The following XRN1 variants were observed in gnomAD, a reference collection of about 807,000 sequenced individuals.
The protein encoded by XRN1 is 5'-3' exoribonuclease 1.
A neutral mutation model predicts 222.3 loss-of-function variants in XRN1; 67 were observed. The observed-to-expected ratio is 0.30, with a 90% CI of 0.25 to 0.37. XRN1 has a LOEUF of 0.37. XRN1 is among the 10% of genes least tolerant of loss of function. The pLI, the probability that XRN1 is intolerant of heterozygous loss-of-function variation, is 1.00. For synonymous variants in XRN1, 643 were observed against 652.4 expected (o/e 0.99, Z 0.22); for missense variants, 1,707 against 2,000.2 (o/e 0.85, Z 2.80).
chr3:142,410,190 C>A (rs2068510193), intron 15 of XRN1, among the ~76,000 whole-genome samples: 1 of 152,178 alleles, frequency 6.6e-6, no homozygotes, highest in Non-Finnish European at 1.5e-5. Context: ...CTTGACTTTA[C>A]AGGAAATTGG....
At chr3:142,405,378 T>A (rs2068302694) in intron 15 of XRN1, among the ~76,000 whole-genome samples, 1 of 152,234 alleles carries the variant, frequency 6.6e-6, no homozygotes, top group Non-Finnish European at 1.5e-5. Flanking sequence ...TGTGAATCTA[T>A]TATAATACTA....
At chr3:142,338,098 T>C (rs2065896605) in intron 33 of XRN1, among the ~76,000 whole-genome samples, 1 of 152,190 alleles carries the variant, frequency 6.6e-6, no homozygotes, top group African/African-American at 2.4e-5. Flanking sequence ...GCCTTTTACT[T>C]GCTAGGCATG....
chr3:142,313,042 G>T, intron 39 of XRN1: 1 of 1,377,322 alleles, frequency 7.3e-7, no homozygotes, highest in Non-Finnish European at 1.0e-6. Flanking sequence ...AGGAATATTT[G>T]CAATTATATT....
At position 142,332,229 on chromosome 3, in the gene XRN1, G is replaced by A. The variant is rs1577234727; in HGVS notation, c.4222+146C>T. ...GAGGTCAGAAGTTTGAGACCAGCCT[G>A]GCCAACACAGCAAGACACCATCTCT... On this transcript the variant is annotated intron_variant, in intron 36 of 40. Transcript: ENST00000392981. The A allele has an allele frequency of 8.7e-6, 6 of 686,478 alleles. 1 individual carries two copies. The East Asian group carries it at 1.4e-4, about 17-fold the overall frequency. The allele number at this position is 686,478 out of a possible 1,614,324, so 42.5% of individuals were successfully genotyped here.
chr3:142,417,910 G>A (rs2068847128), intron 12 of XRN1: 1 of 152,144 alleles, frequency 6.6e-6, no homozygotes, highest in Non-Finnish European at 1.5e-5. Context: ...TTCCTCAGGA[G>A]TGAAAATCTG....
At chr3:142,352,568 C>A (rs2107818488) in intron 32 of XRN1, among the ~76,000 whole-genome samples, 1 of 152,164 alleles carries the variant, frequency 6.6e-6, no homozygotes, top group Middle Eastern at 3.4e-3. Flanking sequence ...TCTGATAATG[C>A]CACCATTACT....
At chr3:142,441,267 C>T (rs575676518) in intron 1 of XRN1, among the ~76,000 whole-genome samples, 11 of 152,308 alleles carry the variant, frequency 7.2e-5, no homozygotes, top group Admixed American at 4.6e-4. Context: ...TTCCCAGGTA[C>T]GGCAAAATAG....
At chr3:142,414,356 T>C (rs991245078) in intron 13 of XRN1, 65 bp from the exon 14 acceptor site, 23 of 1,208,250 alleles carry the variant, frequency 1.9e-5, no homozygotes, top group Non-Finnish European at 2.4e-5. Flanking sequence ...AATAAACATA[T>C]ACTTTTCCCC....
chr3:142,423,447 T>C lies in XRN1; in HGVS notation c.710+113A>G. 3 of 709,746 alleles carry C rather than the reference T, an allele frequency of 4.2e-6. No homozygotes were observed. In the Admixed American group the frequency reaches 1.1e-4, roughly 27 times the overall value. The allele number at this position is 709,746 out of a possible 1,614,324, so 44.0% of individuals were successfully genotyped here. On this transcript the variant is annotated intron_variant, in intron 6 of 40. Coordinates refer to ENST00000392981, the MANE Select transcript of XRN1 (RefSeq NM_001282857.2). ...TGTGCATCAAAGGACACTATCAACA[T>C]AGTGAAAAGGCAACCTACGGAATGA...
chr3:142,404,918 T>C lies in XRN1; in HGVS notation c.1872A>G (p.Arg624=). The change falls in exon 16 of 41, where the codon CGA becomes CGG. Residue 624 remains arginine (R), a synonymous_variant. Transcript: ENST00000392981. Reference sequence around the variant, plus strand: ...CCAAGTAACATTACCTTGTACAACATCGTTCTATGGCAGGGAACTTTTCTG... The same window carrying C: ...CCAAGTAACATTACCTTGTACAACACCGTTCTATGGCAGGGAACTTTTCTG... ...PWPEKFPAIE[R]CCTRYKIISL... 6.2e-7 allele frequency: 1 copy of C among 1,614,000 alleles called. No homozygotes were observed. Among genetic ancestry groups the C allele is most frequent in the Non-Finnish European group, 8.5e-7 (1 of 1,179,908 alleles).
At chr3:142,421,266 C>G in intron 9 of XRN1, 113 bp from the exon 10 acceptor site, 1 of 1,093,720 alleles carries the variant, frequency 9.1e-7, no homozygotes, top group Non-Finnish European at 1.3e-6. Context: ...GAGAATGTTA[C>G]TCTTTTATAT....
chr3:142,433,628 G>A (rs2069728701), intron 1 of XRN1, among the ~76,000 whole-genome samples: 1 of 152,178 alleles, frequency 6.6e-6, no homozygotes. Flanking sequence ...GTAAATGTTT[G>A]TGAGGATGGG....
intron 2 of XRN1, among the ~76,000 whole-genome samples, chr3:142,429,144 CTTTTTTTTTTT>C (rs199947503): frequency 4.2e-5 from 5 of 120,076 alleles, no homozygotes; most frequent in Non-Finnish European, 5.2e-5. Flanking sequence ...TAGCCATAAT[CTTTTTTTTTTT>C]TTTTTTTTTT....
chr3:142,354,740 A>G (rs1435046329), intron 32 of XRN1, among the ~76,000 whole-genome samples: 1 of 152,126 alleles, frequency 6.6e-6, no homozygotes, highest in Non-Finnish European at 1.5e-5. Flanking sequence ...CATATTGGCC[A>G]GGCTGGTCTC....
chr3:142,365,899 AGT>A (rs2107866259), intron 27 of XRN1, among the ~76,000 whole-genome samples: 1 of 152,348 alleles, frequency 6.6e-6, no homozygotes, highest in African/African-American at 2.4e-5. Flanking sequence ...AAAAGTATCA[AGT>A]ACTGACCTAT....
intron 14 of XRN1, among the ~76,000 whole-genome samples, chr3:142,413,378 A>G (rs1351978612): frequency 6.6e-6 from 1 of 152,192 alleles, no homozygotes; most frequent in East Asian, 1.9e-4. Context: ...AAAGGCAGGG[A>G]AAAAACAATC....
chr3:142,371,392 C>T (rs1057474068), intron 25 of XRN1, 64 bp from the exon 26 acceptor site: 22 of 1,204,016 alleles, frequency 1.8e-5, no homozygotes, highest in East Asian at 2.5e-5. Flanking sequence ...AAACTTCCTA[C>T]ATAATAATTT....
intron 23 of XRN1, among the ~76,000 whole-genome samples, chr3:142,378,411 T>C (rs2067204503): frequency 1.3e-5 from 2 of 152,200 alleles, no homozygotes; most frequent in African/African-American, 2.4e-5. Context: ...AATAGAAGGA[T>C]AAATCCTAGA....
At chr3:142,343,544 C>T (rs1027689447) in intron 33 of XRN1, among the ~76,000 whole-genome samples, 4 of 151,920 alleles carry the variant, frequency 2.6e-5, no homozygotes, top group African/African-American at 7.3e-5. Context: ...ATCATGTCAC[C>T]GCAGATAAAA....
Sources: allele counts gnomAD v4.1 joint callset (sites outside exome capture counted in the v4.1 genomes callset), GRCh38; gene constraint gnomAD v4.1.1; transcripts MANE v1.5; gene names NCBI Gene and HGNC (gene_info 2026-07-23, HGNC 2026-07-21).